MLLT1: variants seen among roughly 807,000 people sequenced by gnomAD.
MLLT1 encodes the protein protein ENL.
MLLT1 carries 11 observed loss-of-function variants against 55.1 expected under a neutral mutation model. The observed-to-expected ratio is 0.20, with a 90% CI of 0.13 to 0.33. The LOEUF (loss-of-function observed/expected upper bound fraction) is 0.33, where lower values mean the gene tolerates loss of function less well. MLLT1 is among the 10% of genes least tolerant of loss of function. The pLI is 1.00. For missense variants in MLLT1, 536 were observed against 760.6 expected, an observed-to-expected ratio of 0.70 and a Z score of 3.47; for synonymous variants, 323 against 320.1, an observed-to-expected ratio of 1.01 and a Z score of -0.10.
At chr19:6,259,387 CTG>C (rs1156315397) in intron 3 of MLLT1, 1 of 152,324 alleles carries the variant, frequency 6.6e-6, no homozygotes, top group Non-Finnish European at 1.5e-5. Flanking sequence ...TCATCAAGCA[CTG>C]TCATTCTAGG....
In MLLT1 at chr19:6,230,811, GC is replaced by G. The variant is rs2091001967; in HGVS notation, c.277-99del. On this transcript the variant is annotated intron_variant, in intron 3 of 11. Transcript: ENST00000252674. The surrounding 1 kb of genome is among the most constrained non-coding windows in gnomAD (Gnocchi z 9.0). ...CTGGTCCTCCCCTCTCCCTCACTGG[GC>G]CTCTGTTCCCCTCCCTCCGATTTGC... The G allele has an allele frequency of 6.8e-7, 1 of 1,470,540 alleles. No homozygotes were observed. The highest frequency in any genetic ancestry group is 9.3e-7 in the Non-Finnish European group (1 of 1,075,576). The allele number at this position is 1,470,540 out of a possible 1,614,324, so 91.1% of individuals were successfully genotyped here. A position where few individuals can be genotyped will look rare whatever the true frequency, so the allele number is the denominator to read the frequency against.
chr19:6,214,050 C>T lies in MLLT1; in HGVS notation c.1308-12G>A. 3.5e-6 allele frequency: 5 copies of T among 1,412,984 alleles called. No individual in the cohort carries two copies. Among genetic ancestry groups the T allele is most frequent in the South Asian group, 1.7e-5 (1 of 59,064 alleles). The allele number at this position is 1,412,984 out of a possible 1,614,324, so 87.5% of individuals were successfully genotyped here. A position where few individuals can be genotyped will look rare whatever the true frequency, so the allele number is the denominator to read the frequency against. On this transcript the variant is annotated splice_polypyrimidine_tract_variant and intron_variant, in intron 8 of 11. Coordinates refer to ENST00000252674, the MANE Select transcript of MLLT1 (RefSeq NM_005934.4). Reference sequence around the variant, plus strand: ...CGCTGAAGCTCAACCTGAACCGACACACGGGGGCGCATCAGGCCCCTGCCG... The same window carrying T: ...CGCTGAAGCTCAACCTGAACCGACATACGGGGGCGCATCAGGCCCCTGCCG...
intron 1 of MLLT1, among the ~76,000 whole-genome samples, chr19:6,276,223 A>T (rs993045151): frequency 6.6e-6 from 1 of 152,162 alleles, no homozygotes; most frequent in Non-Finnish European, 1.5e-5. Context: ...GTAGCTTCAG[A>T]GCTGGGAGCA....
intron 2 of MLLT1, among the ~76,000 whole-genome samples, chr19:6,267,457 A>C (rs559051164): frequency 1.3e-5 from 2 of 152,276 alleles, no homozygotes; most frequent in Admixed American, 6.5e-5. Context: ...AATGGGGGGA[A>C]AATGAAGGTA....
chr19:6,265,049 C>CAAAAACAAAAAA (rs1568296295), intron 2 of MLLT1, among the ~76,000 whole-genome samples: 1 of 23,302 alleles, frequency 4.3e-5, no homozygotes, highest in Non-Finnish European at 1.2e-4. Context: ...AAAAAAAAAA[C>CAAAAACAAAAAA]AAAAAAACAA....
chr19:6,215,469 C>T (rs915952071), intron 8 of MLLT1, among the ~76,000 whole-genome samples: 1 of 152,192 alleles, frequency 6.6e-6, no homozygotes, highest in Non-Finnish European at 1.5e-5. Context: ...CCACCAGCGG[C>T]TCCCCCGCAG....
intron 6 of MLLT1, among the ~76,000 whole-genome samples, chr19:6,221,801 C>T (rs1448067734): frequency 1.3e-5 from 2 of 152,324 alleles, no homozygotes; most frequent in East Asian, 1.9e-4. Flanking sequence ...GGCCAAGACC[C>T]GGGCCCATGC....
In MLLT1 at chr19:6,210,856, C is replaced by T. The variant is rs768634117; in HGVS notation, c.*2186G>A. ...GCCCAGCACGTCCATCAGGTGGTCA[C>T]GGAGCCAGCCCTGGGCCCAGAGCAG... On this transcript the variant is annotated 3_prime_UTR_variant, in exon 12 of 12. Coordinates refer to ENST00000252674, the MANE Select transcript of MLLT1 (RefSeq NM_005934.4). The surrounding 1 kb of genome is among the most constrained non-coding windows in gnomAD (Gnocchi z 4.6). 16 of 230,124 alleles carry T rather than the reference C, an allele frequency of 7.0e-5. No individual in the cohort carries two copies. The highest frequency in any genetic ancestry group is 2.6e-3 in the Middle Eastern group (2 of 770). The allele number at this position is 230,124 out of a possible 1,614,324, so 14.3% of individuals were successfully genotyped here.
chr19:6,212,772 C>T lies in MLLT1; in HGVS notation c.*270G>A. 5 of 981,358 alleles carry T rather than the reference C, an allele frequency of 5.1e-6. No homozygotes were observed. Among genetic ancestry groups the T allele is most frequent in the South Asian group, 2.5e-5 (1 of 40,764 alleles). 60.8% of individuals were successfully genotyped at this position (981,358 alleles called of 1,614,324 possible). A position where few individuals can be genotyped will look rare whatever the true frequency, so the allele number is the denominator to read the frequency against. ...CCCCCGGCCCTGTCTCTGCCCAGAG[C>T]TGCCTTCAACACCAGCCGCTCTCTG... On this transcript the variant is annotated 3_prime_UTR_variant, in exon 12 of 12. Transcript: ENST00000252674.
At position 6,212,576 on chromosome 19, in the gene MLLT1, G is replaced by C. The variant is rs2144837450; in HGVS notation, c.*466C>G. The C allele has an allele frequency of 9.2e-7, 1 of 1,089,160 alleles. No individual in the cohort carries two copies. The highest frequency in any genetic ancestry group is 1.1e-6 in the Non-Finnish European group (1 of 895,986). The allele number at this position is 1,089,160 out of a possible 1,614,324, so 67.5% of individuals were successfully genotyped here. A position where few individuals can be genotyped will look rare whatever the true frequency, so the allele number is the denominator to read the frequency against. On this transcript the variant is annotated 3_prime_UTR_variant, in exon 12 of 12. Transcript: ENST00000252674. ...CTAGGTCTACACGGAGGACGACGCA[G>C]ACACACAGGCAGGGCCTTCTGAGGT...
At chr19:6,258,553 A>G (rs1174991031) in intron 3 of MLLT1, among the ~76,000 whole-genome samples, 1 of 152,232 alleles carries the variant, frequency 6.6e-6, no homozygotes, top group African/African-American at 2.4e-5. Context: ...TCCTTGAGAG[A>G]AAGGAGTGAT....
In MLLT1 at chr19:6,256,220, G is replaced by GATAAATAAATAAATAA. The variant is rs200816706; in HGVS notation, c.276+5992_276+6007dup. Among the ~76,000 whole-genome samples, 361 of 142,040 alleles carry GATAAATAAATAAATAA rather than the reference G, an allele frequency of 2.5e-3. 2 individuals carry two copies. Among genetic ancestry groups the GATAAATAAATAAATAA allele is most frequent in the African/African-American group, 8.3e-3 (306 of 36,718 alleles). 93.2% of individuals were successfully genotyped at this position (142,040 alleles called of 152,430 possible). A position where few individuals can be genotyped will look rare whatever the true frequency, so the allele number is the denominator to read the frequency against. On this transcript the variant is annotated intron_variant, in intron 3 of 11. Transcript: ENST00000252674. This position sits in a 1 kb window ranked among gnomAD's most constrained non-coding sequence, Gnocchi z 4.1. ...CAAGAGCGAAACTCTGTCTCAAAAAGATAAATAAATAAATAAATAAATAAA... is the reference window on the plus strand; with the variant it reads ...CAAGAGCGAAACTCTGTCTCAAAAAGATAAATAAATAAATAAATAAATAAATAAATAAATAAATAAA...
rs559069118 is a variant in MLLT1 at position 6,228,218 on chromosome 19, G to A, written c.421-1116C>T. On this transcript the variant is annotated intron_variant, in intron 4 of 11. Coordinates refer to ENST00000252674, the MANE Select transcript of MLLT1 (RefSeq NM_005934.4). The stretch of plus-strand genomic sequence containing the variant: ...AGCACGCACATCACGCAAGCTCACG[G>A]AGGAGCCACAGAAGGCTGCCATGCA... Among the ~76,000 whole-genome samples the A allele has an allele frequency of 6.6e-5, 10 of 152,308 alleles. No homozygotes were observed. The South Asian group carries it at 2.1e-3, about 32-fold the overall frequency.
Position 6,230,648 on chromosome 19 carries a change from C to A in MLLT1, c.342G>T (p.Val114=). Residue 114 remains valine (V), a synonymous_variant, in exon 4 of 12, where the codon GTG becomes GTT. Transcript: ENST00000252674. This position sits in a 1 kb window ranked among gnomAD's most constrained non-coding sequence, Gnocchi z 9.0. ...TGAGCTTCTCGCAGCGCAGGTGGTT[C>A]ACGGGCGGGTTGCCTTCCAGGTTCA... is the stretch of plus-strand genomic sequence containing the variant. ...LFLNLEGNPP[V]NHLRCEKLTF... 1 of 1,614,078 alleles carries A rather than the reference C, an allele frequency of 6.2e-7. No individual in the cohort carries two copies. The highest frequency in any genetic ancestry group is 8.5e-7 in the Non-Finnish European group (1 of 1,180,020).
chr19:6,270,528 T>C lies in MLLT1; in HGVS notation c.193+51A>G. 1 of 1,549,008 alleles carries C rather than the reference T, an allele frequency of 6.5e-7. No homozygotes were observed. ...GGGTGGAGCCTGGCCTTGGGAGGAG[T>C]GAAGACAGATGGGTCCGTGCTGTGG... is the stretch of plus-strand genomic sequence containing the variant. On this transcript the variant is annotated intron_variant, in intron 2 of 11. Coordinates refer to ENST00000252674, the MANE Select transcript of MLLT1 (RefSeq NM_005934.4). The surrounding 1 kb of genome is among the most constrained non-coding windows in gnomAD (Gnocchi z 7.1).
Position 6,240,184 on chromosome 19 carries a change from A to AC in MLLT1, c.277-9472dup, listed in dbSNP as rs2091101860. ...GCCCAGGCCCCTTCACGCCTGCCTGACCGCTCAGCCTGGGAGGCCAGGGAG... is the reference window on the plus strand; with the variant it reads ...GCCCAGGCCCCTTCACGCCTGCCTGACCCGCTCAGCCTGGGAGGCCAGGGAG... On this transcript the variant is annotated intron_variant, in intron 3 of 11. Transcript: ENST00000252674. The surrounding 1 kb of genome is among the most constrained non-coding windows in gnomAD (Gnocchi z 4.7). Among the ~76,000 whole-genome samples, 12 of 152,284 alleles carry AC rather than the reference A, an allele frequency of 7.9e-5. 1 individual carries two copies. In the South Asian group the frequency reaches 2.5e-3, roughly 32 times the overall value.
Position 6,216,385 on chromosome 19 carries a change from G to T in MLLT1, c.1307+20C>A. On this transcript the variant is annotated intron_variant, in intron 8 of 11. Coordinates refer to ENST00000252674, the MANE Select transcript of MLLT1 (RefSeq NM_005934.4). ...CCCCGGGTGGCCGCCTCCGCCCCCTGGCTCCCACCGGGCCGTCACCTGGAG... is the reference window on the plus strand; with the variant it reads ...CCCCGGGTGGCCGCCTCCGCCCCCTTGCTCCCACCGGGCCGTCACCTGGAG... 6 of 1,575,000 alleles carry T rather than the reference G, an allele frequency of 3.8e-6. No homozygotes were observed. The highest frequency in any genetic ancestry group is 5.2e-6 in the Non-Finnish European group (6 of 1,157,810).
chr19:6,212,094 A>G lies in MLLT1; in HGVS notation c.*948T>C, dbSNP rs961378575. 41 of 1,066,032 alleles carry G rather than the reference A, an allele frequency of 3.8e-5. No homozygotes were observed. Among genetic ancestry groups the G allele is most frequent in the Non-Finnish European group, 4.5e-5 (40 of 879,532 alleles). 66.0% of individuals were successfully genotyped at this position (1,066,032 alleles called of 1,614,324 possible). On this transcript the variant is annotated 3_prime_UTR_variant, in exon 12 of 12. Transcript: ENST00000252674. ...TTTCAAAGTTTGAAGACTTGAATGA[A>G]AGAGAGGAAGAGGAGCCTATGGGAG...
chr19:6,269,643 C>T (rs1170400228), intron 2 of MLLT1, among the ~76,000 whole-genome samples: 2 of 152,122 alleles, frequency 1.3e-5, no homozygotes, highest in African/African-American at 2.4e-5. Flanking sequence ...GTCCCGGGTC[C>T]CGGGAAGCTC....
Sources: allele counts gnomAD v4.1 joint callset (sites outside exome capture counted in the v4.1 genomes callset), GRCh38; gene constraint gnomAD v4.1.1; non-coding constraint Gnocchi (gnomAD v3.1); transcripts MANE v1.5; gene names NCBI Gene and HGNC (gene_info 2026-07-23, HGNC 2026-07-21).